The following ZNF317 variants were observed in gnomAD, a reference collection of about 807,000 sequenced individuals.
ZNF317 encodes zinc finger protein 317.
Under a neutral mutation model 23.4 loss-of-function variants are expected in ZNF317, and 17 were observed. The ratio of observed to expected loss-of-function variants is 0.73; its 90% CI spans 0.50 to 1.09. The LOEUF is 1.09. Among genes scored for constraint, ZNF317 ranks in the 50% least tolerant of loss-of-function variants. The probability of loss-of-function intolerance (pLI) is 0.00; values close to 1 mark genes in which losing one functional copy is unlikely to be tolerated. For missense variants in ZNF317, 679 were observed against 796.7 expected, an observed-to-expected ratio of 0.85 and a Z score of 1.78; for synonymous variants, 317 against 314.9, an observed-to-expected ratio of 1.01 and a Z score of -0.07.
In ZNF317 at chr19:9,160,989, C is replaced by T. The variant is rs754535035; in HGVS notation, c.1344C>T (p.Cys448=). The change falls in exon 7 of 7, where the codon TGC becomes TGT. Residue 448 remains cysteine, a synonymous_variant. Coordinates refer to ENST00000247956, the MANE Select transcript of ZNF317 (RefSeq NM_020933.5). This position sits in a 1 kb window ranked among gnomAD's most constrained non-coding sequence, Gnocchi z 6.8. ...NSHTGEKPYG[C]DLCGKAFSAS... is the part of the protein sequence containing the mutation. ...ACACTGGAGAGAAACCATACGGGTG[C>T]GATCTCTGCGGGAAAGCTTTCAGCG... The T allele has an allele frequency of 5.6e-6, 9 of 1,614,038 alleles. No homozygotes were observed. In the Admixed American group the frequency reaches 6.7e-5, roughly 12 times the overall value.
chr19:9,158,871 A>G lies in ZNF317; in HGVS notation c.431A>G (p.Asp144Gly). ...SKTKWSLLME[D>G]IFGKETPSGV... ...ACCAAGTGGTCACTTCTTATGGAAGATATTTTTGGGAAGGAAACGCCCAGT... is the reference window on the plus strand; with the variant it reads ...ACCAAGTGGTCACTTCTTATGGAAGGTATTTTTGGGAAGGAAACGCCCAGT... The change falls in exon 6 of 7, where the codon GAT becomes GGT. Residue 144 changes from aspartate (D) to glycine (G), a missense_variant. Physicochemically the swap from Asp to Gly is moderately conservative, Grantham distance 94 (BLOSUM62 -1). Coordinates refer to ENST00000247956, the MANE Select transcript of ZNF317 (RefSeq NM_020933.5). 6.2e-7 allele frequency: 1 copy of G among 1,613,154 alleles called. No individual in the cohort carries two copies. The highest frequency in any genetic ancestry group is 2.2e-5 in the East Asian group (1 of 44,862).
intron 1 of ZNF317, among the ~76,000 whole-genome samples, chr19:9,144,000 T>G (rs1212544910): frequency 3.3e-5 from 5 of 150,158 alleles, no homozygotes; most frequent in Non-Finnish European, 7.4e-5. Context: ...TCTTTCTTTC[T>G]TTCTTTCTTT....
intron 1 of ZNF317, among the ~76,000 whole-genome samples, chr19:9,154,812 C>T (rs1013468904): frequency 7.9e-5 from 12 of 152,314 alleles, no homozygotes; most frequent in South Asian, 2.1e-4. Flanking sequence ...AGTAGTTGAA[C>T]TATTTCACAC....
chr19:9,152,789 A>C (rs2050747333), intron 1 of ZNF317, among the ~76,000 whole-genome samples: 1 of 152,022 alleles, frequency 6.6e-6, no homozygotes, highest in African/African-American at 2.4e-5. Flanking sequence ...ATCCCCCCTC[A>C]CCTCACCATC....
intron 1 of ZNF317, among the ~76,000 whole-genome samples, chr19:9,154,523 T>C (rs1267928059): frequency 6.6e-6 from 1 of 152,150 alleles, no homozygotes; most frequent in Non-Finnish European, 1.5e-5. Context: ...GCCAGCATCG[T>C]AGGGATTTCT....
At position 9,161,001 on chromosome 19, in the gene ZNF317, G is replaced by A. The variant is rs1477811115; in HGVS notation, c.1356G>A (p.Gly452=). ...AACCATACGGGTGCGATCTCTGCGG[G>A]AAAGCTTTCAGCGCGAGTTCAAACC... ...GEKPYGCDLC[G]KAFSASSNLT... The change falls in exon 7 of 7, where the codon GGG becomes GGA. Residue 452 remains glycine, a synonymous_variant. Coordinates refer to ENST00000247956, the MANE Select transcript of ZNF317 (RefSeq NM_020933.5). The surrounding 1 kb of genome is among the most constrained non-coding windows in gnomAD (Gnocchi z 4.0). The A allele has an allele frequency of 1.2e-6, 2 of 1,614,090 alleles. No homozygotes were observed. Among genetic ancestry groups the A allele is most frequent in the Admixed American group, 3.3e-5 (2 of 60,008 alleles).
chr19:9,142,399 C>G (rs2050640329), intron 1 of ZNF317, among the ~76,000 whole-genome samples: 1 of 152,046 alleles, frequency 6.6e-6, no homozygotes, highest in Non-Finnish European at 1.5e-5. Context: ...TCTAGGCAAG[C>G]CTGTTTGTTT....
At chr19:9,152,785 C>G (rs934560343) in intron 1 of ZNF317, among the ~76,000 whole-genome samples, 1 of 152,192 alleles carries the variant, frequency 6.6e-6, no homozygotes, top group African/African-American at 2.4e-5. Flanking sequence ...AACCATCCCC[C>G]CTCACCTCAC....
chr19:9,158,151 A>G, intron 5 of ZNF317, 76 bp downstream of exon 5: 1 of 1,457,968 alleles, frequency 6.9e-7, no homozygotes, highest in Non-Finnish European at 9.0e-7. Flanking sequence ...GAGGTAGGTT[A>G]GGGAGTGTCA....
At position 9,160,601 on chromosome 19, in the gene ZNF317, G is replaced by C; in HGVS notation, c.956G>C (p.Cys319Ser). Reference sequence around the variant, plus strand: ...TGCGGGAAGGCTTACGGCCGGAGCTGCCACCTCATCGCACACAAGAGAACG... The same window carrying C: ...TGCGGGAAGGCTTACGGCCGGAGCTCCCACCTCATCGCACACAAGAGAACG... ...DQCGKAYGRS[C>S]HLIAHKRTHT... The change falls in exon 7 of 7, where the codon TGC becomes TCC. Residue 319 changes from cysteine (C) to serine (S), a missense_variant. Cys to Ser is a moderately radical substitution (Grantham distance 112). Coordinates refer to ENST00000247956, the MANE Select transcript of ZNF317 (RefSeq NM_020933.5). This position sits in a 1 kb window ranked among gnomAD's most constrained non-coding sequence, Gnocchi z 6.8. 1 of 1,613,882 alleles carries C rather than the reference G, an allele frequency of 6.2e-7. No individual in the cohort carries two copies. The highest frequency in any genetic ancestry group is 8.5e-7 in the Non-Finnish European group (1 of 1,179,984).
In ZNF317 at chr19:9,157,969, C is replaced by A. The variant is rs1345996662; in HGVS notation, c.290-11C>A. Reference sequence around the variant, plus strand: ...GCCCTCCCTCAACCTGTGTCTTTCCCGTGAGTGTAGGGTATCAGGTCGGCA... The same window carrying A: ...GCCCTCCCTCAACCTGTGTCTTTCCAGTGAGTGTAGGGTATCAGGTCGGCA... On this transcript the variant is annotated splice_polypyrimidine_tract_variant and intron_variant, in intron 4 of 6. Coordinates refer to ENST00000247956, the MANE Select transcript of ZNF317 (RefSeq NM_020933.5). The A allele has an allele frequency of 2.9e-5, 45 of 1,550,610 alleles. No individual in the cohort carries two copies. The highest frequency in any genetic ancestry group is 3.8e-5 in the Non-Finnish European group (43 of 1,146,516).
Position 9,160,946 on chromosome 19 carries a change from A to C in ZNF317, c.1301A>C (p.Lys434Thr). Reference sequence around the variant, plus strand: ...ACCTTCCGAAACCAGTCCATCCTTAAGACTCACATGAACTCTCACACTGGA... The same window carrying C: ...ACCTTCCGAAACCAGTCCATCCTTACGACTCACATGAACTCTCACACTGGA... ...GKTFRNQSIL[K>T]THMNSHTGEK... is the part of the protein sequence containing the mutation. The change falls in exon 7 of 7, where the codon AAG becomes ACG. Residue 434 changes from lysine to threonine, a missense_variant. Lys to Thr is a moderately conservative substitution (Grantham distance 78). Coordinates refer to ENST00000247956, the MANE Select transcript of ZNF317 (RefSeq NM_020933.5). This position sits in a 1 kb window ranked among gnomAD's most constrained non-coding sequence, Gnocchi z 6.8. 2 of 1,614,192 alleles carry C rather than the reference A, an allele frequency of 1.2e-6. No homozygotes were observed. The highest frequency in any genetic ancestry group is 1.7e-6 in the Non-Finnish European group (2 of 1,180,032).
chr19:9,154,495 T>G (rs1252744768), intron 1 of ZNF317, among the ~76,000 whole-genome samples: 1 of 152,206 alleles, frequency 6.6e-6, no homozygotes, highest in African/African-American at 2.4e-5. Flanking sequence ...GCGTTTCTTG[T>G]GTGTCCAGTT....
intron 1 of ZNF317, among the ~76,000 whole-genome samples, chr19:9,144,460 A>G (rs1374611843): frequency 6.7e-6 from 1 of 150,200 alleles, no homozygotes; most frequent in Admixed American, 6.6e-5. Flanking sequence ...TTTTTTCTCT[A>G]GCTTCTTTTG....
intron 1 of ZNF317, among the ~76,000 whole-genome samples, chr19:9,145,235 A>G (rs1266181556): frequency 1.3e-5 from 2 of 152,176 alleles, no homozygotes; most frequent in Non-Finnish European, 2.9e-5. Flanking sequence ...AGTAAAGACA[A>G]GGTTTCACCA....
At chr19:9,140,808 G>C (rs1460294996) in intron 1 of ZNF317, among the ~76,000 whole-genome samples, 2 of 152,120 alleles carry the variant, frequency 1.3e-5, no homozygotes, top group African/African-American at 4.8e-5. Flanking sequence ...AGAAGCATTG[G>C]TCACCTGATC....
At chr19:9,144,371 A>C (rs1396337315) in intron 1 of ZNF317, among the ~76,000 whole-genome samples, 1 of 152,172 alleles carries the variant, frequency 6.6e-6, no homozygotes, top group Non-Finnish European at 1.5e-5. Flanking sequence ...TATTCTGTGA[A>C]TATTAGTATT....
Position 9,161,309 on chromosome 19 carries a change from A to C in ZNF317, c.1664A>C (p.Glu555Ala). The C allele has an allele frequency of 6.2e-7, 1 of 1,613,964 alleles. No homozygotes were observed. Among genetic ancestry groups the C allele is most frequent in the Non-Finnish European group, 8.5e-7 (1 of 1,179,876 alleles). ...GTGCACAGGCGGATCCACACCGGGG[A>C]GAAGCCCTACGAATGCCTTGTCTGC... ...LNVHRRIHTG[E>A]KPYECLVCGK... The change falls in exon 7 of 7, where the codon GAG (glutamate) becomes GCG (alanine). Residue 555 changes from glutamate (E) to alanine (A), a missense_variant. Transcript: ENST00000247956. This position sits in a 1 kb window ranked among gnomAD's most constrained non-coding sequence, Gnocchi z 4.0.
In ZNF317 at chr19:9,161,624, C is replaced by T. The variant is rs1226088833; in HGVS notation, c.*191C>T. ...ATAGGAGGTTTGTGAGAACTCACGC[C>T]GGGGGTGAAAATGTACGTCTGTAGC... is the stretch of plus-strand genomic sequence containing the variant. On this transcript the variant is annotated 3_prime_UTR_variant, in exon 7 of 7. Coordinates refer to ENST00000247956, the MANE Select transcript of ZNF317 (RefSeq NM_020933.5). This position sits in a 1 kb window ranked among gnomAD's most constrained non-coding sequence, Gnocchi z 4.0. 4.0e-6 allele frequency: 3 copies of T among 753,760 alleles called. No homozygotes were observed. The highest frequency in any genetic ancestry group is 2.1e-5 in the South Asian group (1 of 47,250). The allele number at this position is 753,760 out of a possible 1,614,324, so 46.7% of individuals were successfully genotyped here.
Sources: gnomAD v4.1 joint callset for allele counts (sites outside exome capture counted in the v4.1 genomes callset) on GRCh38, gnomAD v4.1.1 for gene constraint, Gnocchi (gnomAD v3.1) non-coding constraint, MANE v1.5 for transcripts, NCBI Gene and HGNC (gene_info 2026-07-23, HGNC 2026-07-21) for gene names.